The following CPQ variants were observed in gnomAD, a reference collection of about 807,000 sequenced individuals.
The protein encoded by CPQ is Ser-Met dipeptidase.
A neutral mutation model predicts 45.7 loss-of-function variants in CPQ; 37 were observed. The ratio of observed to expected loss-of-function variants is 0.81; its 90% confidence interval spans 0.62 to 1.07. CPQ has a LOEUF of 1.07. Among genes scored for constraint, CPQ ranks in the 50% least tolerant of loss-of-function variants. CPQ has a pLI of 0.00. For synonymous variants in CPQ, 186 were observed against 205.8 expected (o/e 0.90, Z 0.82); for missense variants, 537 against 572.9 (o/e 0.94, Z 0.64).
intron 2 of CPQ, among the ~76,000 whole-genome samples, chr8:96,832,490 C>G (rs1287492217): frequency 2.0e-5 from 3 of 152,128 alleles, no homozygotes; most frequent in Non-Finnish European, 4.4e-5. Context: ...CCTTGACACA[C>G]AAACAAGAAT....
At chr8:96,867,496 A>G (rs1812010419) in intron 3 of CPQ, among the ~76,000 whole-genome samples, 1 of 152,076 alleles carries the variant, frequency 6.6e-6, no homozygotes, top group Non-Finnish European at 1.5e-5. Flanking sequence ...TAAAAAATTA[A>G]GAATGTTATA....
chr8:97,102,889 C>T (rs1450563062), intron 7 of CPQ, among the ~76,000 whole-genome samples: 1 of 152,086 alleles, frequency 6.6e-6, no homozygotes, highest in Non-Finnish European at 1.5e-5. Context: ...TTCTAGAGGT[C>T]AAAAGTCAGA....
intron 3 of CPQ, among the ~76,000 whole-genome samples, chr8:96,839,735 C>T (rs1424879142): frequency 1.3e-5 from 2 of 151,974 alleles, no homozygotes; most frequent in Non-Finnish European, 2.9e-5. Context: ...GGGGTAAGAA[C>T]ATGTAAGTGA....
intron 2 of CPQ, among the ~76,000 whole-genome samples, chr8:96,822,898 C>T (rs1445561214): frequency 6.6e-6 from 1 of 152,050 alleles, no homozygotes; most frequent in African/African-American, 2.4e-5. Flanking sequence ...CTGTCCCCCT[C>T]ATTCTTCAGT....
At chr8:96,831,604 G>T (rs1811461536) in intron 2 of CPQ, among the ~76,000 whole-genome samples, 1 of 152,102 alleles carries the variant, frequency 6.6e-6, no homozygotes, top group Admixed American at 6.6e-5. Flanking sequence ...AATTTTCTAG[G>T]TGGTCTAGTT....
At chr8:96,846,286 CTT>C (rs987200855) in intron 3 of CPQ, among the ~76,000 whole-genome samples, 1 of 152,148 alleles carries the variant, frequency 6.6e-6, no homozygotes, top group African/African-American at 2.4e-5. Context: ...CTGAATCCCT[CTT>C]TGTGAAAAGT....
chr8:96,975,628 C>G (rs771914467), intron 5 of CPQ, among the ~76,000 whole-genome samples: 1 of 152,010 alleles, frequency 6.6e-6, no homozygotes, highest in Non-Finnish European at 1.5e-5. Flanking sequence ...AACAGCATAT[C>G]AAAAAGATAC....
At chr8:96,674,276 CT>C (rs1290827057) in intron 1 of CPQ, among the ~76,000 whole-genome samples, 2 of 152,096 alleles carry the variant, frequency 1.3e-5, no homozygotes, top group Non-Finnish European at 2.9e-5. Context: ...TTTTTTCCCC[CT>C]GTCCTTAATG....
intron 7 of CPQ, among the ~76,000 whole-genome samples, chr8:97,130,900 C>CAA (rs79868487): frequency 6.7e-5 from 10 of 148,980 alleles, no homozygotes; most frequent in South Asian, 6.3e-4. Flanking sequence ...GGTTTTGTGT[C>CAA]AAAAAAAAAA....
intron 7 of CPQ, among the ~76,000 whole-genome samples, chr8:97,098,700 A>G (rs1283170467): frequency 6.6e-6 from 1 of 152,164 alleles, no homozygotes; most frequent in African/African-American, 2.4e-5. Flanking sequence ...TAATGGTCAC[A>G]GTACAGGTCA....
chr8:96,651,339 T>C (rs529370351), intron 1 of CPQ, among the ~76,000 whole-genome samples: 1 of 152,246 alleles, frequency 6.6e-6, no homozygotes, highest in Non-Finnish European at 1.5e-5. Context: ...GAAACTCTTA[T>C]GGTCCTTGAA....
chr8:96,727,457 C>T (rs1392465255), intron 1 of CPQ, among the ~76,000 whole-genome samples: 1 of 152,144 alleles, frequency 6.6e-6, no homozygotes, highest in Non-Finnish European at 1.5e-5. Context: ...CTCTCAGGAC[C>T]ACTTCAGGTT....
At chr8:96,860,234 C>T (rs1365895224) in intron 3 of CPQ, among the ~76,000 whole-genome samples, 4 of 152,124 alleles carry the variant, frequency 2.6e-5, no homozygotes, top group African/African-American at 7.2e-5. Flanking sequence ...AAGAGTTTAA[C>T]ACATTTTCTA....
At chr8:97,014,685 A>G (rs924133047) in intron 5 of CPQ, among the ~76,000 whole-genome samples, 1 of 151,912 alleles carries the variant, frequency 6.6e-6, no homozygotes, top group Non-Finnish European at 1.5e-5. Flanking sequence ...CAAATGTACT[A>G]TGGTCTGAAA....
In CPQ at chr8:96,867,173, A is replaced by G. The variant is rs139784081; in HGVS notation, c.642-12625A>G. ...TGGCAATGTTTCTTATACCTTCCCT[A>G]GCTCTTCTATTTTCCCTAAAAAGTA... On this transcript the variant is annotated intron_variant, in intron 3 of 7. Coordinates refer to ENST00000220763, the MANE Select transcript of CPQ (RefSeq NM_016134.4). Among the ~76,000 whole-genome samples the G allele has an allele frequency of 2.8e-3, 433 of 152,148 alleles. 1 individual carries two copies. Among genetic ancestry groups the G allele is most frequent in the Non-Finnish European group, 5.2e-3 (351 of 67,950 alleles).
intron 5 of CPQ, among the ~76,000 whole-genome samples, chr8:96,984,429 T>G (rs1813967490): frequency 6.6e-6 from 1 of 152,132 alleles, no homozygotes; most frequent in Non-Finnish European, 1.5e-5. Flanking sequence ...TTGATGCCAT[T>G]ATAAAAGGGC....
intron 1 of CPQ, among the ~76,000 whole-genome samples, chr8:96,662,881 G>C (rs1263462085): frequency 6.6e-6 from 1 of 152,128 alleles, no homozygotes; most frequent in Non-Finnish European, 1.5e-5. Context: ...CCAGCTACTT[G>C]AGAGGCTGAG....
At chr8:97,017,271 C>A (rs572163299) in intron 5 of CPQ, among the ~76,000 whole-genome samples, 1 of 152,156 alleles carries the variant, frequency 6.6e-6, no homozygotes, top group Non-Finnish European at 1.5e-5. Context: ...CTCGCTGGCT[C>A]CCCTAGCAAG....
At chr8:96,964,583 G>C (rs993177203) in intron 4 of CPQ, among the ~76,000 whole-genome samples, 8 of 151,552 alleles carry the variant, frequency 5.3e-5, no homozygotes, top group African/African-American at 1.7e-4. Flanking sequence ...CACTCTCTTA[G>C]TGGGGTCTTT....
Sources: gnomAD v4.1 joint callset for allele counts (sites outside exome capture counted in the v4.1 genomes callset) on GRCh38, gnomAD v4.1.1 for gene constraint, MANE v1.5 for transcripts, NCBI Gene and HGNC (gene_info 2026-07-23, HGNC 2026-07-21) for gene names.